Variants in SEMA5B observed in about 807,000 individuals in gnomAD.
SEMA5B encodes the protein semaphorin 5B, also known as semaphorin-5B.
Under a neutral mutation model 135.0 loss-of-function variants are expected in SEMA5B, and 66 were observed. The ratio of observed to expected loss-of-function variants is 0.49; its 90% CI spans 0.40 to 0.60. The LOEUF (loss-of-function observed/expected upper bound fraction) is 0.60, where lower values mean the gene tolerates loss of function less well. SEMA5B is among the 20% of genes least tolerant of loss of function. The pLI is 0.00. For missense variants in SEMA5B, 1,501 were observed against 1,566.3 expected, an observed-to-expected ratio of 0.96 and a Z score of 0.70; for synonymous variants, 690 against 639.5, an observed-to-expected ratio of 1.08 and a Z score of -1.19.
chr3:122,981,413 T>C (rs1414331040), intron 1 of SEMA5B, among the ~76,000 whole-genome samples: 2 of 152,244 alleles, frequency 1.3e-5, no homozygotes, highest in Non-Finnish European at 2.9e-5. Context: ...GGTTCATGTG[T>C]GGCCAGGCGA....
chr3:122,926,477 C>G lies in SEMA5B; in HGVS notation c.1051G>C (p.Glu351Gln). The change falls in exon 9 of 23, where the codon GAG becomes CAG. Residue 351 changes from glutamate (E) to glutamine (Q), a missense_variant. Around this residue, in one of 2 missense-constraint regions of SEMA5B, gnomAD observed 574 missense variants for 684.7 expected, o/e 0.84. Transcript: ENST00000357599. ...AGCTCGTTATAGTAGAAGGGGACCT[C>G]GCCCGGGCGGGAGCAGTTGAGCCGG... ...KARLNCSRPGEVPFYYNELQS... is the reference protein window; with the variant it reads ...KARLNCSRPGQVPFYYNELQS... The G allele has an allele frequency of 6.2e-7, 1 of 1,614,208 alleles. No individual in the cohort carries two copies. The highest frequency in any genetic ancestry group is 8.5e-7 in the Non-Finnish European group (1 of 1,180,038).
At chr3:122,943,562 G>A (rs1053536982) in intron 3 of SEMA5B, 27 bp from the exon 4 acceptor site, 4 of 1,520,512 alleles carry the variant, frequency 2.6e-6, no homozygotes, top group East Asian at 4.6e-5. Flanking sequence ...CAACCCTGTG[G>A]TTACTGTTGG....
At chr3:123,018,146 G>T (rs1387341996) in intron 1 of SEMA5B, among the ~76,000 whole-genome samples, 1 of 152,210 alleles carries the variant, frequency 6.6e-6, no homozygotes, top group African/African-American at 2.4e-5. Context: ...AGGTACACTG[G>T]TTGGATGACC....
In SEMA5B at chr3:122,913,183, G is replaced by T. The variant is rs1169062236; in HGVS notation, c.2506+16C>A. 3 of 1,541,800 alleles carry T rather than the reference G, an allele frequency of 1.9e-6. No individual in the cohort carries two copies. The highest frequency in any genetic ancestry group is 2.6e-6 in the Non-Finnish European group (3 of 1,153,520). On this transcript the variant is annotated intron_variant, in intron 17 of 22. Transcript: ENST00000357599. ...GGCTGGGAGAGAGGAAGGAGGGGGC[G>T]CCGGGCGCGGGGTACCGTCGGTGTC...
At chr3:122,935,252 G>C (rs763027655) in intron 5 of SEMA5B, among the ~76,000 whole-genome samples, 1 of 151,798 alleles carries the variant, frequency 6.6e-6, no homozygotes, top group African/African-American at 2.4e-5. Flanking sequence ...TAAAAGTCTG[G>C]TCTCTGTAGT....
chr3:122,996,255 CT>C (rs1942020446), intron 1 of SEMA5B, among the ~76,000 whole-genome samples: 1 of 152,232 alleles, frequency 6.6e-6, no homozygotes, highest in African/African-American at 2.4e-5. Flanking sequence ...GCCTTGGCGG[CT>C]ACGGGTGGCA....
intron 1 of SEMA5B, among the ~76,000 whole-genome samples, chr3:122,988,414 A>G (rs1008776030): frequency 1.3e-5 from 2 of 152,236 alleles, no homozygotes; most frequent in African/African-American, 4.8e-5. Flanking sequence ...TCCATGTGCT[A>G]AAGTCAAGTC....
chr3:122,993,176 C>G (rs1000204385), intron 1 of SEMA5B: 1 of 152,262 alleles, frequency 6.6e-6, no homozygotes. Context: ...TTGGTCTGGC[C>G]GCAGAAAAGC....
chr3:123,014,284 G>A (rs1560446498), intron 1 of SEMA5B, among the ~76,000 whole-genome samples: 1 of 152,200 alleles, frequency 6.6e-6, no homozygotes, highest in South Asian at 2.1e-4. Context: ...AGGCTAGTGG[G>A]CATTTGAGAA....
intron 1 of SEMA5B, among the ~76,000 whole-genome samples, chr3:123,026,342 G>T (rs1942798287): frequency 6.6e-6 from 1 of 152,144 alleles, no homozygotes; most frequent in South Asian, 2.1e-4. Context: ...AGGATCGCAG[G>T]GGTGCGGGCA....
intron 12 of SEMA5B, among the ~76,000 whole-genome samples, chr3:122,916,782 G>A (rs1938095347): frequency 6.6e-6 from 1 of 152,064 alleles, no homozygotes; most frequent in Admixed American, 6.6e-5. Context: ...TTAGTGGCAG[G>A]AATCAGAGTC....
chr3:122,978,569 C>T (rs1306842612), intron 1 of SEMA5B, among the ~76,000 whole-genome samples: 2 of 152,030 alleles, frequency 1.3e-5, no homozygotes, highest in Non-Finnish European at 2.9e-5. Flanking sequence ...CAGAGAATGA[C>T]AGGGTCTGGG....
chr3:122,910,346 C>G, intron 22 of SEMA5B, 45 bp from the exon 23 acceptor site: 1 of 1,602,966 alleles, frequency 6.2e-7, no homozygotes, highest in Non-Finnish European at 8.5e-7. Context: ...AGGGAACACA[C>G]AGGGGAAGGG....
At chr3:122,927,166 T>C (rs1052142398) in intron 8 of SEMA5B, among the ~76,000 whole-genome samples, 3 of 152,196 alleles carry the variant, frequency 2.0e-5, no homozygotes, top group Admixed American at 2.0e-4. Context: ...AGGAAACTCA[T>C]ATGGCCCTTT....
chr3:122,984,476 T>G (rs1294330329), intron 1 of SEMA5B, among the ~76,000 whole-genome samples: 1 of 152,250 alleles, frequency 6.6e-6, no homozygotes, highest in African/African-American at 2.4e-5. Context: ...CACGTCCGTC[T>G]GTGGCTTCTG....
At chr3:122,989,826 G>C (rs1941821831) in intron 1 of SEMA5B, among the ~76,000 whole-genome samples, 1 of 152,190 alleles carries the variant, frequency 6.6e-6, no homozygotes, top group South Asian at 2.1e-4. Flanking sequence ...GTAAAGGTCA[G>C]AAAAAGAGGA....
At chr3:122,934,743 T>C (rs1486532868) in intron 5 of SEMA5B, among the ~76,000 whole-genome samples, 1 of 152,078 alleles carries the variant, frequency 6.6e-6, no homozygotes, top group Non-Finnish European at 1.5e-5. Context: ...CAGCCTGGTA[T>C]GGTGGCTTAT....
rs200950525 is a variant in SEMA5B at position 122,929,064 on chromosome 3, G to A, written c.475-6C>T. 5.3e-5 allele frequency: 85 copies of A among 1,611,202 alleles called. No homozygotes were observed. The African/African-American group carries it at 1.0e-3, about 19-fold the overall frequency. On this transcript the variant is annotated splice_polypyrimidine_tract_variant and splice_region_variant and intron_variant, in intron 5 of 22. Transcript: ENST00000357599. ...CTGGAGGCCCACTCTGTGGCCTGGG[G>A]GAGGAACATAGGAGCACACAGACAT...
chr3:122,950,802 T>A (rs1235175612), intron 2 of SEMA5B, among the ~76,000 whole-genome samples: 1 of 152,202 alleles, frequency 6.6e-6, no homozygotes, highest in East Asian at 1.9e-4. Flanking sequence ...CATTGTGCCA[T>A]CCTTTGAAAG....
Sources: gnomAD v4.1 joint callset for allele counts (sites outside exome capture counted in the v4.1 genomes callset) on GRCh38, gnomAD v4.1.1 for gene constraint, gnomAD v4.1.1 regional missense constraint, MANE v1.5 for transcripts, NCBI Gene and HGNC (gene_info 2026-07-23, HGNC 2026-07-21) for gene names.